KIF26B: variants seen among roughly 807,000 people sequenced by gnomAD.
KIF26B encodes kinesin-like protein KIF26B.
KIF26B carries 63 observed loss-of-function variants against 151.2 expected under a neutral mutation model. The ratio of observed to expected loss-of-function variants is 0.42; its 90% CI spans 0.34 to 0.51. KIF26B has a LOEUF of 0.51. Ranked by LOEUF, KIF26B falls within the 20% of genes least tolerant of loss-of-function variation. KIF26B has a pLI of 0.07. For synonymous variants in KIF26B, 1,357 were observed against 1,262.1 expected, an observed-to-expected ratio of 1.08 and a Z score of -1.59; for missense variants, 2,813 against 2,913.6, an observed-to-expected ratio of 0.97 and a Z score of 0.79.
intron 2 of KIF26B, among the ~76,000 whole-genome samples, chr1:245,203,014 G>A (rs1391969379): frequency 1.3e-5 from 2 of 151,330 alleles, no homozygotes; most frequent in African/African-American, 2.4e-5. Flanking sequence ...CAGCACTTTG[G>A]GAGGCCGAGG....
chr1:245,510,576 TTC>T (rs4021193), intron 4 of KIF26B, among the ~76,000 whole-genome samples: 10,928 of 133,848 alleles, frequency 0.082, 553 homozygotes, highest in East Asian at 0.29. Context: ...TTAGCAGAGC[TTC>T]TCTCTCTCTC....
chr1:245,609,553 GCCCCAAGGTGGCT>G (rs1285284067), intron 8 of KIF26B, 25 bp downstream of exon 8: 1 of 1,487,362 alleles, frequency 6.7e-7, no homozygotes, highest in Non-Finnish European at 8.9e-7. Flanking sequence ...AGCCTGGCTC[GCCCCAAGGTGGCT>G]CCCTCCCCAC....
chr1:245,615,797 C>G (rs1203591115), intron 9 of KIF26B, among the ~76,000 whole-genome samples: 2 of 152,192 alleles, frequency 1.3e-5, no homozygotes, highest in African/African-American at 2.4e-5. Flanking sequence ...GAAAGGATCC[C>G]GGCCAGAATG....
At chr1:245,162,457 C>T (rs1668548831) in intron 2 of KIF26B, among the ~76,000 whole-genome samples, 1 of 146,212 alleles carries the variant, frequency 6.8e-6, no homozygotes, top group Middle Eastern at 3.5e-3. Context: ...GTGATCTCGG[C>T]TCACTGCAAC....
intron 2 of KIF26B, among the ~76,000 whole-genome samples, chr1:245,317,920 G>A (rs1382498262): frequency 2.0e-5 from 3 of 152,274 alleles, no homozygotes; most frequent in Non-Finnish European, 2.9e-5. Context: ...TTATCTTTCC[G>A]TCTTCAATGG....
chr1:245,279,901 TAGCTTCATTGATTTGGCTGCTATGTA>T (rs1455912603), intron 2 of KIF26B, among the ~76,000 whole-genome samples: 2 of 152,166 alleles, frequency 1.3e-5, no homozygotes, highest in South Asian at 2.1e-4. Context: ...CGTAAATCTT[TAGCTTCATTGATTTGGCTGCTATGTA>T]AGCTTCATTG....
At chr1:245,169,837 C>T (rs879922266) in intron 2 of KIF26B, among the ~76,000 whole-genome samples, 4 of 152,068 alleles carry the variant, frequency 2.6e-5, no homozygotes, top group Non-Finnish European at 5.9e-5. Context: ...CAAAATGATG[C>T]AGAGGTTTAG....
chr1:245,245,437 C>T (rs1475928795), intron 2 of KIF26B, among the ~76,000 whole-genome samples: 1 of 152,150 alleles, frequency 6.6e-6, no homozygotes, highest in Non-Finnish European at 1.5e-5. Context: ...TAATGGTTCT[C>T]AGCAGAGGGT....
intron 3 of KIF26B, among the ~76,000 whole-genome samples, chr1:245,372,407 T>A (rs1360542222): frequency 6.6e-6 from 1 of 152,084 alleles, no homozygotes; most frequent in African/African-American, 2.4e-5. Context: ...CACGTGCAGG[T>A]TTGTTATGTG....
Position 245,707,323 on chromosome 1 carries a change from C to T in KIF26B, c.*4717C>T, listed in dbSNP as rs966647597. The T allele has an allele frequency of 1.2e-4, 19 of 152,286 alleles. No individual in the cohort carries two copies. Among genetic ancestry groups the T allele is most frequent in the African/African-American group, 4.6e-4 (19 of 41,558 alleles). 9.4% of individuals were successfully genotyped at this position (152,286 alleles called of 1,614,324 possible). A position where few individuals can be genotyped will look rare whatever the true frequency, so the allele number is the denominator to read the frequency against. On this transcript the variant is annotated 3_prime_UTR_variant, in exon 15 of 15. Coordinates refer to ENST00000407071, the MANE Select transcript of KIF26B (RefSeq NM_018012.4). ...AGGTCCACACGTGTGGAGGCGAGTA[C>T]TGAAATACCACACTCACACATCTAT...
At chr1:245,391,586 GT>G (rs1219432115) in intron 3 of KIF26B, among the ~76,000 whole-genome samples, 2 of 151,022 alleles carry the variant, frequency 1.3e-5, no homozygotes, top group Non-Finnish European at 2.9e-5. Flanking sequence ...GGGGCCAGGG[GT>G]TCACGGTCAT....
intron 3 of KIF26B, among the ~76,000 whole-genome samples, chr1:245,406,343 G>A (rs1483496550): frequency 1.3e-5 from 2 of 152,184 alleles, no homozygotes; most frequent in Non-Finnish European, 2.9e-5. Context: ...GGATTACAGT[G>A]ACAAGTTAAT....
At chr1:245,202,797 C>T (rs1352180441) in intron 2 of KIF26B, among the ~76,000 whole-genome samples, 2 of 147,438 alleles carry the variant, frequency 1.4e-5, no homozygotes, top group Non-Finnish European at 3.0e-5. Flanking sequence ...CAAAAACAGC[C>T]GGGCATGGTG....
intron 2 of KIF26B, among the ~76,000 whole-genome samples, chr1:245,273,433 A>C (rs10802203): frequency 4.7e-5 from 7 of 149,532 alleles, no homozygotes; most frequent in East Asian, 3.9e-4. Context: ...AAAAAAAAAA[A>C]AAAAAAAACC....
At chr1:245,391,573 C>T (rs1176596311) in intron 3 of KIF26B, among the ~76,000 whole-genome samples, 1 of 151,332 alleles carries the variant, frequency 6.6e-6, no homozygotes, top group Non-Finnish European at 1.5e-5. Context: ...GGGAGGATCA[C>T]TTGGGGCCAG....
intron 4 of KIF26B, among the ~76,000 whole-genome samples, chr1:245,514,579 T>G (rs1660909063): frequency 6.6e-6 from 1 of 151,972 alleles, no homozygotes; most frequent in African/African-American, 2.4e-5. Context: ...ATTTATATAA[T>G]GAAGGTTTTT....
intron 2 of KIF26B, among the ~76,000 whole-genome samples, chr1:245,311,102 C>T (rs913300662): frequency 6.6e-6 from 1 of 152,140 alleles, no homozygotes; most frequent in Non-Finnish European, 1.5e-5. Context: ...CAACAAAGCA[C>T]ACAGATGTTC....
At chr1:245,453,236 C>T (rs1199381703) in intron 4 of KIF26B, among the ~76,000 whole-genome samples, 1 of 151,924 alleles carries the variant, frequency 6.6e-6, no homozygotes, top group African/African-American at 2.4e-5. Context: ...AAAAATCTCC[C>T]TGAATTACCT....
intron 9 of KIF26B, among the ~76,000 whole-genome samples, chr1:245,629,040 G>T (rs1572167825): frequency 6.6e-6 from 1 of 152,182 alleles, no homozygotes; most frequent in East Asian, 1.9e-4. Flanking sequence ...TACCTTACAA[G>T]GAATGCGAAG....
Sources: gnomAD v4.1 joint callset for allele counts (sites outside exome capture counted in the v4.1 genomes callset) on GRCh38, gnomAD v4.1.1 for gene constraint, MANE v1.5 for transcripts, NCBI Gene and HGNC (gene_info 2026-07-23, HGNC 2026-07-21) for gene names.